SGK3: variants seen among roughly 807,000 people sequenced by gnomAD.
SGK3 encodes the protein serine/threonine-protein kinase Sgk3.
Under a neutral mutation model 68.5 loss-of-function variants are expected in SGK3, and 47 were observed. The ratio of observed to expected loss-of-function variants is 0.69; its 90% CI spans 0.54 to 0.87. The LOEUF (loss-of-function observed/expected upper bound fraction) is 0.87. SGK3 is among the 40% of genes least tolerant of loss of function. The probability of loss-of-function intolerance (pLI) is 0.00; values close to 1 mark genes in which losing one functional copy is unlikely to be tolerated. For missense variants in SGK3, 479 were observed against 575.5 expected (o/e 0.83, Z 1.72); for synonymous variants, 181 against 189.1 (o/e 0.96, Z 0.35).
rs754690758 is a variant in SGK3, at chr8:66,859,421, A to G, written c.1331A>G (p.Asp444Gly). 6.2e-7 allele frequency: 1 copy of G among 1,608,108 alleles called. No individual in the cohort carries two copies. The highest frequency in any genetic ancestry group is 2.2e-5 in the East Asian group (1 of 44,828). Residue 444 changes from aspartate to glycine, a missense_variant, in exon 17 of 17, where the codon GAT (aspartate) becomes GGT (glycine). Around this residue, in one of 3 missense-constraint regions of SGK3, gnomAD observed 173 missense variants for 214.3 expected, o/e 0.81. Transcript: ENST00000521198. ...CTTTTGATGTTTTAGGCTGGACCAG[A>G]TGATATCAGAAACTTTGACACAGCA... The part of the protein sequence containing the change: ...PPFNPNVAGP[D>G]DIRNFDTAFT...
chr8:66,810,067 C>T (rs1012240400), intron 4 of SGK3, among the ~76,000 whole-genome samples: 1 of 152,122 alleles, frequency 6.6e-6, no homozygotes, highest in Non-Finnish European at 1.5e-5. Context: ...TCATTAAGTC[C>T]AACCCCCGTT....
In SGK3 at chr8:66,793,631, T is replaced by A. The variant is rs1302898832; in HGVS notation, c.-106T>A. ...GTTGGTTAAGGTTGCATGATGGAAT[T>A]TGAACATTACTTCAAGAGGTTTTGT... On this transcript the variant is annotated 5_prime_UTR_variant, in exon 2 of 17. The change creates a new upstream start codon in the 5' untranslated region. Coordinates refer to ENST00000521198, the MANE Select transcript of SGK3 (RefSeq NM_001033578.3). 1.9e-6 allele frequency: 2 copies of A among 1,051,298 alleles called. No homozygotes were observed. Among genetic ancestry groups the A allele is most frequent in the Non-Finnish European group, 2.7e-6 (2 of 750,064 alleles). 65.1% of individuals were successfully genotyped at this position (1,051,298 alleles called of 1,614,324 possible). A position where few individuals can be genotyped will look rare whatever the true frequency, so the allele number is the denominator to read the frequency against.
intron 1 of SGK3, among the ~76,000 whole-genome samples, chr8:66,732,316 A>G (rs1404350802): frequency 6.6e-6 from 1 of 152,104 alleles, no homozygotes; most frequent in African/African-American, 2.4e-5. Flanking sequence ...TGAGTTTGTG[A>G]AAATGATATA....
intron 7 of SGK3, 97 bp from the exon 8 acceptor site, chr8:66,831,157 T>C: frequency 6.9e-7 from 1 of 1,448,292 alleles, no homozygotes; most frequent in East Asian, 2.3e-5. Flanking sequence ...GTTTTGTGCC[T>C]AACATTTATT....
At chr8:66,805,085 T>C (rs1015567266) in intron 4 of SGK3, among the ~76,000 whole-genome samples, 12 of 151,554 alleles carry the variant, frequency 7.9e-5, no homozygotes, top group Non-Finnish European at 1.2e-4. Context: ...TTAAAAAATT[T>C]TTTAATTGAT....
chr8:66,727,269 G>A (rs1166426326), intron 1 of SGK3, among the ~76,000 whole-genome samples: 1 of 151,920 alleles, frequency 6.6e-6, no homozygotes, highest in Non-Finnish European at 1.5e-5. Context: ...GCTAATTTTT[G>A]TATTTTTTGT....
chr8:66,732,471 G>A (rs11987309), intron 1 of SGK3, among the ~76,000 whole-genome samples: 3,286 of 149,414 alleles, frequency 0.022, 125 homozygotes, highest in African/African-American at 0.076. Context: ...CTGGGTGACA[G>A]TACGAGACTC....
intron 1 of SGK3, among the ~76,000 whole-genome samples, chr8:66,723,127 ATATATTTTT>A (rs1266372985): frequency 8.3e-4 from 41 of 49,372 alleles, no homozygotes; most frequent in Admixed American, 1.5e-3. Context: ...ATATATATAT[ATATATTTTT>A]TTTTTTTTTT....
chr8:66,828,862 A>G (rs1045867897), intron 7 of SGK3, among the ~76,000 whole-genome samples, 159 bp downstream of exon 7: 1 of 150,244 alleles, frequency 6.7e-6, no homozygotes, highest in Non-Finnish European at 1.5e-5. Context: ...TGTATGCTCC[A>G]GCTTTTCACT....
At chr8:66,795,852 TC>T (rs1433827989) in intron 2 of SGK3, among the ~76,000 whole-genome samples, 19 of 152,174 alleles carry the variant, frequency 1.2e-4, no homozygotes, top group African/African-American at 4.6e-4. Context: ...TATCCTGCTT[TC>T]CCTCCTGCCA....
At chr8:66,819,176 C>T (rs1480686774) in intron 5 of SGK3, among the ~76,000 whole-genome samples, 1 of 152,136 alleles carries the variant, frequency 6.6e-6, no homozygotes, top group Non-Finnish European at 1.5e-5. Context: ...CTTTAAAATA[C>T]AGTTTTTCAC....
At chr8:66,721,257 TACACAATCTACA>T (rs767459175) in intron 1 of SGK3, among the ~76,000 whole-genome samples, 85 of 152,198 alleles carry the variant, frequency 5.6e-4, no homozygotes, top group Admixed American at 2.0e-3. Context: ...AAGGTGTGAG[TACACAATCTACA>T]ACACACAGTG....
intron 1 of SGK3, among the ~76,000 whole-genome samples, chr8:66,749,053 C>T (rs983985093): frequency 1.3e-4 from 20 of 152,056 alleles, no homozygotes; most frequent in Admixed American, 3.3e-4. Flanking sequence ...TGCATCACCA[C>T]GCCCGGCTAA....
chr8:66,796,881 T>C (rs989461632), intron 2 of SGK3, among the ~76,000 whole-genome samples: 6 of 150,148 alleles, frequency 4.0e-5, no homozygotes, highest in Admixed American at 2.7e-4. Context: ...AATGTCATAT[T>C]GTATTAAGTA....
At position 66,793,707 on chromosome 8, in the gene SGK3, G is replaced by A; in HGVS notation, c.-30G>A. The A allele has an allele frequency of 6.2e-7, 1 of 1,601,084 alleles. No individual in the cohort carries two copies. The highest frequency in any genetic ancestry group is 8.5e-7 in the Non-Finnish European group (1 of 1,172,388). On this transcript the variant is annotated 5_prime_UTR_variant, in exon 2 of 17. It removes an upstream start codon present in the reference 5' UTR. Coordinates refer to ENST00000521198, the MANE Select transcript of SGK3 (RefSeq NM_001033578.3). Reference sequence around the variant, plus strand: ...TCCTCTGCTGACTGTTTCTTCGGATGCATTTTTTGGTGTGCTCTTGAGGGA... The same window carrying A: ...TCCTCTGCTGACTGTTTCTTCGGATACATTTTTTGGTGTGCTCTTGAGGGA...
chr8:66,746,658 A>G (rs186274944), intron 1 of SGK3, among the ~76,000 whole-genome samples: 211 of 152,080 alleles, frequency 1.4e-3, no homozygotes, highest in Non-Finnish European at 1.9e-4. Context: ...GGCTCAAGAG[A>G]TCTTCCCACC....
Position 66,861,447 on chromosome 8 carries a change from A to AT in SGK3, c.*1870dup, listed in dbSNP as rs926032164. ...ATGTAGTGACACCTCATTTCTATTT[A>AT]TTTTAAAAAAAAGAGAGAGTAACTA... On this transcript the variant is annotated 3_prime_UTR_variant, in exon 17 of 17. Coordinates refer to ENST00000521198, the MANE Select transcript of SGK3 (RefSeq NM_001033578.3). 9 of 151,814 alleles carry AT rather than the reference A, an allele frequency of 5.9e-5. No individual in the cohort carries two copies. Among genetic ancestry groups the AT allele is most frequent in the Admixed American group, 5.2e-4 (8 of 15,244 alleles). 9.4% of individuals were successfully genotyped at this position (151,814 alleles called of 1,614,324 possible).
intron 3 of SGK3, among the ~76,000 whole-genome samples, chr8:66,799,532 A>T (rs1254333732): frequency 1.3e-5 from 2 of 152,386 alleles, no homozygotes; most frequent in Non-Finnish European, 2.9e-5. Flanking sequence ...AATAGCTATT[A>T]TGGAACTCCA....
intron 1 of SGK3, among the ~76,000 whole-genome samples, chr8:66,743,311 T>C (rs1329548001): frequency 6.6e-6 from 1 of 152,236 alleles, no homozygotes; most frequent in Non-Finnish European, 1.5e-5. Flanking sequence ...AAAATGCTTC[T>C]GGCTTATAAT....
Sources: gnomAD v4.1 joint callset for allele counts (sites outside exome capture counted in the v4.1 genomes callset) on GRCh38, gnomAD v4.1.1 for gene constraint, gnomAD v4.1.1 regional missense constraint, MANE v1.5 for transcripts, NCBI Gene and HGNC (gene_info 2026-07-23, HGNC 2026-07-21) for gene names.